Variants in MGST1 observed in about 807,000 individuals in gnomAD.
MGST1 encodes the protein microsomal glutathione S-transferase 1.
Under a neutral mutation model 8.9 loss-of-function variants are expected in MGST1, and 5 were observed. That is an observed-to-expected ratio of 0.56 (90% CI 0.29 to 1.19). The LOEUF is 1.19. MGST1 is among the 50% of genes most tolerant of loss of function. The pLI is 0.08. For missense variants in MGST1, 182 were observed against 187.4 expected, an observed-to-expected ratio of 0.97 and a Z score of 0.17; for synonymous variants, 54 against 67.8, an observed-to-expected ratio of 0.80 and a Z score of 1.00.
intron 4 of MGST1, among the ~76,000 whole-genome samples, chr12:16,516,988 G>A (rs1941619227): frequency 6.6e-6 from 1 of 152,098 alleles, no homozygotes; most frequent in Non-Finnish European, 1.5e-5. Context: ...ATTTGATTTA[G>A]CTCTACATTT....
Position 16,362,940 on chromosome 12 carries a change from A to G in MGST1, c.222-855A>G, listed in dbSNP as rs1216636826. 2 of 152,198 alleles carry G rather than the reference A, an allele frequency of 1.3e-5. No homozygotes were observed. The highest frequency in any genetic ancestry group is 4.8e-5 in the African/African-American group (2 of 41,442). The allele number at this position is 152,198 out of a possible 1,614,324, so 9.4% of individuals were successfully genotyped here. A position where few individuals can be genotyped will look rare whatever the true frequency, so the allele number is the denominator to read the frequency against. On this transcript the variant is annotated intron_variant, in intron 3 of 3. Transcript: ENST00000396210. This position sits in a 1 kb window ranked among gnomAD's most constrained non-coding sequence, Gnocchi z 4.4. ...AGAGCAAGACCCCCTCTCTAAAAAC[A>G]ACAATAGCAATGACAACAATAATAA...
chr12:16,348,958 C>A (rs1426920615), intron 1 of MGST1: 1 of 152,040 alleles, frequency 6.6e-6, no homozygotes, highest in Non-Finnish European at 1.5e-5. Flanking sequence ...AAGGCCTTAC[C>A]CCACCACTCT....
intron 4 of MGST1, among the ~76,000 whole-genome samples, chr12:16,534,985 T>C (rs1328485786): frequency 6.6e-6 from 1 of 152,194 alleles, no homozygotes; most frequent in African/African-American, 2.4e-5. Flanking sequence ...CACGTATTTT[T>C]GTTGTCCTTA....
chr12:16,452,974 A>T (rs1941142133), intron 4 of MGST1, among the ~76,000 whole-genome samples: 1 of 151,948 alleles, frequency 6.6e-6, no homozygotes, highest in Non-Finnish European at 1.5e-5. Flanking sequence ...ATTGGCCAAC[A>T]TATATTTTCT....
intron 1 of MGST1, among the ~76,000 whole-genome samples, chr12:16,407,114 T>C (rs1382420031): frequency 6.6e-6 from 1 of 151,910 alleles, no homozygotes; most frequent in Non-Finnish European, 1.5e-5. Flanking sequence ...ATCAACAGAG[T>C]GAAGAGACGA....
chr12:16,397,029 A>G (rs1261986540), intron 1 of MGST1, among the ~76,000 whole-genome samples: 3 of 152,206 alleles, frequency 2.0e-5, no homozygotes, highest in African/African-American at 4.8e-5. Context: ...TTCAAACTAT[A>G]CTATAAGGCC....
intron 4 of MGST1, among the ~76,000 whole-genome samples, chr12:16,571,200 A>C (rs1942802374): frequency 1.3e-5 from 2 of 152,046 alleles, no homozygotes; most frequent in Admixed American, 6.6e-5. Context: ...AAATTTTCCA[A>C]AGAAAAGGGA....
At chr12:16,426,532 A>T (rs1940890726) in intron 1 of MGST1, among the ~76,000 whole-genome samples, 1 of 152,182 alleles carries the variant, frequency 6.6e-6, no homozygotes, top group Non-Finnish European at 1.5e-5. Context: ...ATCATCCAAT[A>T]AATATTTACT....
At chr12:16,381,730 G>T (rs57804577), downstream of MGST1, among the ~76,000 whole-genome samples, 2,235 of 152,266 alleles carry the variant, frequency 0.015, 55 homozygotes, top group African/African-American at 0.047. Flanking sequence ...CCTGCAGAGT[G>T]TTTTCCACCT....
chr12:16,376,102 A>ATT, intron 3 of MGST1: 2 of 1,283,838 alleles, frequency 1.6e-6, no homozygotes, highest in South Asian at 1.4e-5. Context: ...TAAAAATCTT[A>ATT]TTTTTTTTTA....
intron 4 of MGST1, among the ~76,000 whole-genome samples, chr12:16,487,770 C>T (rs1941409373): frequency 6.6e-6 from 1 of 152,108 alleles, no homozygotes; most frequent in Non-Finnish European, 1.5e-5. Context: ...ACCTCAGCCT[C>T]CTGGTAACTG....
downstream of MGST1, among the ~76,000 whole-genome samples, chr12:16,377,884 C>A (rs1216491102): frequency 6.6e-6 from 1 of 150,988 alleles, no homozygotes; most frequent in Non-Finnish European, 1.5e-5. Context: ...ATTTGCATTT[C>A]TCTGATGGCC....
chr12:16,486,936 C>G (rs1388969231), intron 4 of MGST1, among the ~76,000 whole-genome samples: 1 of 152,154 alleles, frequency 6.6e-6, no homozygotes, highest in Non-Finnish European at 1.5e-5. Context: ...CATCAGAGTG[C>G]TCTTCCAGGC....
chr12:16,400,911 CT>C (rs1940649617), intron 1 of MGST1: 2 of 1,255,084 alleles, frequency 1.6e-6, no homozygotes, highest in African/African-American at 3.0e-5. Flanking sequence ...GATTTGTGAG[CT>C]TTCTGAATCT....
chr12:16,424,309 G>C (rs192212125), intron 1 of MGST1, among the ~76,000 whole-genome samples: 1 of 152,240 alleles, frequency 6.6e-6, no homozygotes, highest in East Asian at 1.9e-4. Context: ...CTTCCTGAAA[G>C]AACTTTGGAA....
intron 1 of MGST1, among the ~76,000 whole-genome samples, chr12:16,422,715 T>A (rs1940849311): frequency 6.6e-6 from 1 of 152,196 alleles, no homozygotes; most frequent in Non-Finnish European, 1.5e-5. Flanking sequence ...CTTTTAAGAT[T>A]TCCTACTGGA....
Position 16,561,725 on chromosome 12 carries a change from T to C in MGST1, n.483-27803T>C, listed in dbSNP as rs539480821. 5.0e-4 allele frequency among the ~76,000 whole-genome samples: 76 copies of C among 152,344 alleles called. 1 individual carries two copies. The South Asian group carries it at 0.016, about 32-fold the overall frequency. ...TTTTCAAGTTTATAACTATTTCCTT[T>C]TACCAGGATAATGACAGTTGTTGGA... is the stretch of plus-strand genomic sequence containing the variant. On this transcript the variant is annotated intron_variant and non_coding_transcript_variant, in intron 4 of 4. Coordinates refer to the MGST1 transcript ENST00000538857.
At chr12:16,409,258 T>C (rs2137071400) in intron 1 of MGST1, among the ~76,000 whole-genome samples, 1 of 152,200 alleles carries the variant, frequency 6.6e-6, no homozygotes, top group East Asian at 1.9e-4. Context: ...TAAGGTGATG[T>C]GTAATGTGTG....
chr12:16,350,489 CT>C (rs1318170004), intron 1 of MGST1, among the ~76,000 whole-genome samples: 1 of 152,102 alleles, frequency 6.6e-6, no homozygotes, highest in Non-Finnish European at 1.5e-5. Flanking sequence ...ACATTTCATC[CT>C]GTTATTTATT....
Sources: allele counts gnomAD v4.1 joint callset (sites outside exome capture counted in the v4.1 genomes callset), GRCh38; gene constraint gnomAD v4.1.1; non-coding constraint Gnocchi (gnomAD v3.1); transcripts MANE v1.5; gene names NCBI Gene and HGNC (gene_info 2026-07-23, HGNC 2026-07-21).